SP9: variants seen among roughly 807,000 people sequenced by gnomAD.
SP9 encodes the protein transcription factor Sp9.
SP9 carries 5 observed loss-of-function variants against 23.0 expected under a neutral mutation model. The observed-to-expected ratio is 0.22, with a 90% CI of 0.11 to 0.46. SP9 has a LOEUF of 0.46. Ranked by LOEUF, SP9 falls within the 20% of genes least tolerant of loss-of-function variation. The probability of loss-of-function intolerance (pLI) is 0.99; values close to 1 mark genes in which losing one functional copy is unlikely to be tolerated. For missense variants in SP9, 542 were observed against 724.0 expected, an observed-to-expected ratio of 0.75 and a Z score of 2.88; for synonymous variants, 360 against 356.5, an observed-to-expected ratio of 1.01 and a Z score of -0.11.
chr2:174,336,656 C>G lies in SP9; in HGVS notation c.571C>G (p.Leu191Val), dbSNP rs1462706038. ...CGTGCACAGCAGCCCGGGCTCGTGG[C>G]TGGAAGTGCAGAACCCCGCTGGGGG... ...WDVHSSPGSW[L>V]EVQNPAGGLQ... Residue 191 changes from leucine (L) to valine (V), a missense_variant, in exon 2 of 2, where the codon CTG becomes GTG. Leu to Val is a conservative substitution (Grantham distance 32, BLOSUM62 1). Around this residue, in one of 8 missense-constraint regions of SP9, gnomAD observed 144 missense variants for 158.7 expected, o/e 0.91. Coordinates refer to ENST00000394967, the MANE Select transcript of SP9 (RefSeq NM_001145250.2). 8 of 1,503,602 alleles carry G rather than the reference C, an allele frequency of 5.3e-6. No individual in the cohort carries two copies. The highest frequency in any genetic ancestry group is 6.2e-6 in the Non-Finnish European group (7 of 1,131,276). The allele number at this position is 1,503,602 out of a possible 1,614,324, so 93.1% of individuals were successfully genotyped here.
At chr2:174,335,341 T>G in intron 1 of SP9, 1 of 543,758 alleles carries the variant, frequency 1.8e-6, no homozygotes, top group South Asian at 2.7e-5. Context: ...TCATTTGGTT[T>G]CAAAAAAAAG....
rs1559048768 is a variant in SP9 at position 174,336,307 on chromosome 2, CTCGGGCGGCCTG to C, written c.223_234del (p.Ser75_Leu78del). 2.7e-6 allele frequency: 4 copies of C among 1,505,544 alleles called. No homozygotes were observed. The highest frequency in any genetic ancestry group is 3.5e-6 in the Non-Finnish European group (4 of 1,132,502). The allele number at this position is 1,505,544 out of a possible 1,614,324, so 93.3% of individuals were successfully genotyped here. A position where few individuals can be genotyped will look rare whatever the true frequency, so the allele number is the denominator to read the frequency against. On this transcript the variant is annotated inframe_deletion, in exon 2 of 2. Coordinates refer to ENST00000394967, the MANE Select transcript of SP9 (RefSeq NM_001145250.2). ...TCGCGGTGGCCACCGGGGGCCGTGG[CTCGGGCGGCCTG>C]GCGGGCGGCTCGGGCGCCGCCAACA...
rs1385846264 is a variant in SP9 at position 174,336,348 on chromosome 2, C to T, written c.263C>T (p.Ala88Val). The change falls in exon 2 of 2, where the codon GCC (alanine) becomes GTC (valine). Residue 88 changes from alanine to valine, a missense_variant. By Grantham distance (64) the Ala-to-Val change is moderately conservative. Transcript: ENST00000394967. Reference protein sequence around the residue: ...LAGGSGAANSAFCLASTSPTS... With the variant: ...LAGGSGAANSVFCLASTSPTS... ...GGCGGCTCGGGCGCCGCCAACAGCG[C>T]CTTCTGCCTGGCCTCCACGTCGCCC... 20 of 1,500,732 alleles carry T rather than the reference C, an allele frequency of 1.3e-5. No individual in the cohort carries two copies. The highest frequency in any genetic ancestry group is 1.8e-5 in the Non-Finnish European group (20 of 1,132,476). The allele number at this position is 1,500,732 out of a possible 1,614,324, so 93.0% of individuals were successfully genotyped here. A position where few individuals can be genotyped will look rare whatever the true frequency, so the allele number is the denominator to read the frequency against.
Position 174,337,462 on chromosome 2 carries a change from GGCGGCGGCA to G in SP9, c.1386_1394del (p.Ala468_Ala470del), listed in dbSNP as rs754396991. 1.1e-4 allele frequency: 130 copies of G among 1,234,394 alleles called. 3 individuals are homozygous for G. The highest frequency in any genetic ancestry group is 5.7e-4 in the South Asian group (19 of 33,286). 76.5% of individuals were successfully genotyped at this position (1,234,394 alleles called of 1,614,324 possible). ...GTGCCGCCCGGGCGGCGGCAGCGGC[GGCGGCGGCA>G]GCGGCGGCGGCGGCGGCGGCGGCCT... is the stretch of plus-strand genomic sequence containing the variant. On this transcript the variant is annotated inframe_deletion, in exon 2 of 2. Coordinates refer to ENST00000394967, the MANE Select transcript of SP9 (RefSeq NM_001145250.2).
At position 174,336,131 on chromosome 2, in the gene SP9, C is replaced by T; in HGVS notation, c.46C>T (p.Pro16Ser). ...LGEEPRFGTT[P>S]LAMLAATCNK... is the part of the protein sequence containing the mutation. ...GGAAGAGCCGCGCTTCGGAACGACC[C>T]CGTTGGCCATGCTGGCGGCGACCTG... The change falls in exon 2 of 2, where the codon CCG (proline) becomes TCG (serine). Residue 16 changes from proline to serine, a missense_variant. Pro to Ser is a moderately conservative substitution (Grantham distance 74). Transcript: ENST00000394967. 1 of 1,551,164 alleles carries T rather than the reference C, an allele frequency of 6.4e-7. No individual in the cohort carries two copies. The highest frequency in any genetic ancestry group is 8.7e-7 in the Non-Finnish European group (1 of 1,146,670).
At position 174,336,790 on chromosome 2, in the gene SP9, G is replaced by C. The variant is rs1001373621; in HGVS notation, c.705G>C (p.Thr235=). ...SSLTHSAFSS[T]GLGSSAAAAS... ...TCACGCACTCCGCCTTCAGCTCCAC[G>C]GGCCTCGGCTCCTCCGCCGCCGCCG... The change falls in exon 2 of 2, where the codon ACG becomes ACC. Residue 235 remains threonine, a synonymous_variant. Transcript: ENST00000394967. 77 of 1,530,358 alleles carry C rather than the reference G, an allele frequency of 5.0e-5. No individual in the cohort carries two copies. Among genetic ancestry groups the C allele is most frequent in the African/African-American group, 2.4e-4 (17 of 72,046 alleles). 94.8% of individuals were successfully genotyped at this position (1,530,358 alleles called of 1,614,324 possible).
chr2:174,335,240 T>G, intron 1 of SP9, 127 bp downstream of exon 1: 2 of 1,074,378 alleles, frequency 1.9e-6, no homozygotes, highest in Non-Finnish European at 2.7e-6. Context: ...CTATTAGCAC[T>G]TTCCACATTT....
At position 174,336,646 on chromosome 2, in the gene SP9, G is replaced by A. The variant is rs1183496340; in HGVS notation, c.561G>A (p.Pro187=). ...ASSWWDVHSS[P]GSWLEVQNPA... ...CGTGGTGGGACGTGCACAGCAGCCC[G>A]GGCTCGTGGCTGGAAGTGCAGAACC... The change falls in exon 2 of 2, where the codon CCG becomes CCA. Residue 187 remains proline (P), a synonymous_variant. Transcript: ENST00000394967. The A allele has an allele frequency of 6.7e-7, 1 of 1,495,590 alleles. No individual in the cohort carries two copies. Among genetic ancestry groups the A allele is most frequent in the Non-Finnish European group, 8.9e-7 (1 of 1,127,520 alleles). 92.6% of individuals were successfully genotyped at this position (1,495,590 alleles called of 1,614,324 possible).
Position 174,337,571 on chromosome 2 carries a change from G to C in SP9, c.*31G>C, listed in dbSNP as rs1684440467. 2.0e-5 allele frequency: 23 copies of C among 1,141,506 alleles called. No homozygotes were observed. The highest frequency in any genetic ancestry group is 2.5e-5 in the Non-Finnish European group (23 of 930,628). 70.7% of individuals were successfully genotyped at this position (1,141,506 alleles called of 1,614,324 possible). A position where few individuals can be genotyped will look rare whatever the true frequency, so the allele number is the denominator to read the frequency against. On this transcript the variant is annotated 3_prime_UTR_variant, in exon 2 of 2. Transcript: ENST00000394967. ...GGGCGAGAGGCGCGAGCACACAAGC[G>C]AGTAGAGACACCGAGAACGAACGAG...
chr2:174,336,553 G>A lies in SP9; in HGVS notation c.468G>A (p.Glu156=), dbSNP rs775134806. Residue 156 remains glutamate (E), a synonymous_variant, in exon 2 of 2, where the codon GAG becomes GAA. Transcript: ENST00000394967. ...YPRVGMAHPY[E]SWYKSGFHST... ...GCGTGGGCATGGCGCACCCGTACGA[G>A]TCCTGGTACAAGTCGGGCTTCCATT... is the stretch of plus-strand genomic sequence containing the variant. 1.3e-3 allele frequency: 1,848 copies of A among 1,433,506 alleles called. 2 individuals carry two copies. The highest frequency in any genetic ancestry group is 1.6e-3 in the Non-Finnish European group (1,731 of 1,097,256). The allele number at this position is 1,433,506 out of a possible 1,614,324, so 88.8% of individuals were successfully genotyped here. A position where few individuals can be genotyped will look rare whatever the true frequency, so the allele number is the denominator to read the frequency against.
Position 174,336,883 on chromosome 2 carries a change from C to T in SP9, c.798C>T (p.Ser266=). The T allele has an allele frequency of 6.6e-7, 1 of 1,507,238 alleles. No homozygotes were observed. Among genetic ancestry groups the T allele is most frequent in the Non-Finnish European group, 8.8e-7 (1 of 1,134,496 alleles). 93.4% of individuals were successfully genotyped at this position (1,507,238 alleles called of 1,614,324 possible). Residue 266 remains serine (S), a synonymous_variant, in exon 2 of 2, where the codon TCC becomes TCT. Coordinates refer to ENST00000394967, the MANE Select transcript of SP9 (RefSeq NM_001145250.2). ...AQDGFKPVLP[S]YSDSSAAVAA... ...ACGGCTTCAAGCCGGTGTTGCCCTC[C>T]TATTCGGACTCCAGCGCCGCCGTGG...
intron 1 of SP9, 74 bp downstream of exon 1, chr2:174,335,187 C>A (rs556660125): frequency 1.3e-6 from 2 of 1,487,906 alleles, no homozygotes; most frequent in East Asian, 2.5e-5. Context: ...CTGGGGTCTG[C>A]GGCTCCGGAG....
At chr2:174,335,397 G>A (rs757325052) in intron 1 of SP9, 89 of 476,266 alleles carry the variant, frequency 1.9e-4, no homozygotes, top group Non-Finnish European at 2.8e-4. Context: ...CCCATCCCCC[G>A]CATTGCTTTG....
rs1304607817 is a variant in SP9 at position 174,336,101 on chromosome 2, C to T, written c.22-6C>T. 6.5e-7 allele frequency: 1 copy of T among 1,549,594 alleles called. No homozygotes were observed. Among genetic ancestry groups the T allele is most frequent in the East Asian group, 2.5e-5 (1 of 40,636 alleles). On this transcript the variant is annotated splice_region_variant and splice_polypyrimidine_tract_variant and intron_variant, in intron 1 of 1. Coordinates refer to ENST00000394967, the MANE Select transcript of SP9 (RefSeq NM_001145250.2). ...CTTGCTCCCTCCCCCATCCCACCCA[C>T]TCTAGGAAGAGCCGCGCTTCGGAAC...
chr2:174,336,808 C>A lies in SP9; in HGVS notation c.723C>A (p.Ala241=). 6.5e-7 allele frequency: 1 copy of A among 1,528,660 alleles called. No individual in the cohort carries two copies. Among genetic ancestry groups the A allele is most frequent in the Non-Finnish European group, 8.7e-7 (1 of 1,143,658 alleles). The allele number at this position is 1,528,660 out of a possible 1,614,324, so 94.7% of individuals were successfully genotyped here. The change falls in exon 2 of 2, where the codon GCC becomes GCA. Residue 241 remains alanine (A), a synonymous_variant. Coordinates refer to ENST00000394967, the MANE Select transcript of SP9 (RefSeq NM_001145250.2). The part of the protein sequence containing the change: ...AFSSTGLGSS[A]AAASHLLSTS... Reference sequence around the variant, plus strand: ...GCTCCACGGGCCTCGGCTCCTCCGCCGCCGCCGCCTCCCACCTGCTCTCCA... The same window carrying A: ...GCTCCACGGGCCTCGGCTCCTCCGCAGCCGCCGCCTCCCACCTGCTCTCCA...
Position 174,336,192 on chromosome 2 carries a change from T to G in SP9, c.107T>G (p.Leu36Arg), listed in dbSNP as rs1424602079. The G allele has an allele frequency of 6.4e-7, 1 of 1,550,618 alleles. No homozygotes were observed. Among genetic ancestry groups the G allele is most frequent in the South Asian group, 1.2e-5 (1 of 84,054 alleles). The change falls in exon 2 of 2, where the codon CTG (leucine) becomes CGG (arginine). Residue 36 changes from leucine (L) to arginine (R), a missense_variant. Leu to Arg is a moderately radical substitution (Grantham distance 102, BLOSUM62 -2). Around this residue, in one of 8 missense-constraint regions of SP9, gnomAD observed 201 missense variants for 226.3 expected, o/e 0.89. Transcript: ENST00000394967. The part of the protein sequence containing the change: ...KIGNTSPLTT[L>R]PESSAFAKGG... Reference sequence around the variant, plus strand: ...GGCAACACGAGCCCGCTGACGACGCTGCCAGAGTCGAGCGCCTTCGCCAAA... The same window carrying G: ...GGCAACACGAGCCCGCTGACGACGCGGCCAGAGTCGAGCGCCTTCGCCAAA...
chr2:174,337,369 G>A lies in SP9; in HGVS notation c.1284G>A (p.Thr428=), dbSNP rs1264220313. The change falls in exon 2 of 2, where the codon ACG becomes ACA. Residue 428 remains threonine (T), a synonymous_variant. Transcript: ENST00000394967. ...GCAAAAAGGGCAGCGACAGTGACACGGACGCCAGCAACCTGGAGACGCCCC... is the reference window on the plus strand; with the variant it reads ...GCAAAAAGGGCAGCGACAGTGACACAGACGCCAGCAACCTGGAGACGCCCC... ...GGGKKGSDSD[T]DASNLETPRS... 1.9e-6 allele frequency: 3 copies of A among 1,549,688 alleles called. No individual in the cohort carries two copies. The highest frequency in any genetic ancestry group is 2.6e-6 in the Non-Finnish European group (3 of 1,146,586).
chr2:174,336,960 G>T lies in SP9; in HGVS notation c.875G>T (p.Gly292Val), dbSNP rs944930686. 4 of 1,436,128 alleles carry T rather than the reference G, an allele frequency of 2.8e-6. No homozygotes were observed. Among genetic ancestry groups the T allele is most frequent in the Non-Finnish European group, 3.6e-6 (4 of 1,106,848 alleles). The allele number at this position is 1,436,128 out of a possible 1,614,324, so 89.0% of individuals were successfully genotyped here. ...TCGGGCGCCGCGGCTGCCGCCGCCG[G>T]GGGGAGCTCGGCACGCTCTGCCCGC... ...MISGAAAAAA[G>V]GSSARSARRY... The change falls in exon 2 of 2, where the codon GGG (glycine) becomes GTG (valine). Residue 292 changes from glycine to valine, a missense_variant. Gly to Val is a moderately radical substitution (Grantham distance 109). Coordinates refer to ENST00000394967, the MANE Select transcript of SP9 (RefSeq NM_001145250.2).
chr2:174,336,447 G>A lies in SP9; in HGVS notation c.362G>A (p.Gly121Glu). Residue 121 changes from glycine to glutamate, a missense_variant, in exon 2 of 2, where the codon GGG becomes GAG. Gly to Glu is a moderately conservative substitution (Grantham distance 98). Around this residue, in one of 8 missense-constraint regions of SP9, gnomAD observed 201 missense variants for 226.3 expected, o/e 0.89. Coordinates refer to ENST00000394967, the MANE Select transcript of SP9 (RefSeq NM_001145250.2). ...NSAAAAAAAA[G>E]VSPQEAGGQS... Reference sequence around the variant, plus strand: ...GCGGCTGCCGCGGCGGCAGCGGCCGGGGTGTCCCCGCAGGAGGCGGGTGGC... The same window carrying A: ...GCGGCTGCCGCGGCGGCAGCGGCCGAGGTGTCCCCGCAGGAGGCGGGTGGC... 6.1e-6 allele frequency: 9 copies of A among 1,475,434 alleles called. No individual in the cohort carries two copies. The South Asian group carries it at 1.2e-4, about 19-fold the overall frequency. The allele number at this position is 1,475,434 out of a possible 1,614,324, so 91.4% of individuals were successfully genotyped here.
Sources: allele counts gnomAD v4.1 joint callset, GRCh38; gene constraint gnomAD v4.1.1; regional missense constraint gnomAD v4.1.1; transcripts MANE v1.5; gene names NCBI Gene and HGNC (gene_info 2026-07-23, HGNC 2026-07-21).